The following RALGAPA2 variants were observed in gnomAD, a reference collection of about 807,000 sequenced individuals.
RALGAPA2 encodes the protein Ral GTPase activating protein catalytic subunit alpha 2.
Under a neutral mutation model 230.4 loss-of-function variants are expected in RALGAPA2, and 139 were observed. The observed-to-expected ratio is 0.60, with a 90% CI of 0.53 to 0.69. The LOEUF (loss-of-function observed/expected upper bound fraction) is 0.69, where lower values mean the gene tolerates loss of function less well. Ranked by LOEUF, RALGAPA2 falls within the 30% of genes least tolerant of loss-of-function variation. RALGAPA2 has a pLI of 0.00. For missense variants in RALGAPA2, 2,163 were observed against 2,276.0 expected (o/e 0.95, Z 1.01); for synonymous variants, 847 against 837.8 (o/e 1.01, Z -0.19).
intron 37 of RALGAPA2, among the ~76,000 whole-genome samples, chr20:20,444,889 G>A (rs967106033): frequency 6.6e-6 from 1 of 152,188 alleles, no homozygotes; most frequent in Non-Finnish European, 1.5e-5. Context: ...CACACTGTCT[G>A]TCCTTTTGTC....
chr20:20,571,987 C>T (rs572852347), intron 21 of RALGAPA2, 41 bp from the exon 22 acceptor site: 22 of 1,365,926 alleles, frequency 1.6e-5, no homozygotes, highest in South Asian at 1.2e-4. Context: ...GGTAACATTA[C>T]GTTTATCCCA....
chr20:20,554,772 G>C (rs1814239218), intron 23 of RALGAPA2, among the ~76,000 whole-genome samples: 1 of 152,044 alleles, frequency 6.6e-6, no homozygotes, highest in South Asian at 2.1e-4. Context: ...CAAACGTGTT[G>C]GGATAACAGG....
Position 20,712,132 on chromosome 20 carries a change from G to A in RALGAPA2, c.106+243C>T, listed in dbSNP as rs1052768111. On this transcript the variant is annotated intron_variant, in intron 1 of 39. Transcript: ENST00000202677. The surrounding 1 kb of genome is among the most constrained non-coding windows in gnomAD (Gnocchi z 5.5). The stretch of plus-strand genomic sequence containing the variant: ...GCCTCCAGGTTCTCCGGGAGCGCAG[G>A]CGCCCAGCGAGAATCTGGGCTAAGT... Among the ~76,000 whole-genome samples, 1 of 152,196 alleles carries A rather than the reference G, an allele frequency of 6.6e-6. No individual in the cohort carries two copies. The highest frequency in any genetic ancestry group is 6.5e-5 in the Admixed American group (1 of 15,284).
intron 1 of RALGAPA2, among the ~76,000 whole-genome samples, chr20:20,709,089 C>T (rs1309164729): frequency 6.6e-6 from 1 of 151,798 alleles, no homozygotes; most frequent in Non-Finnish European, 1.5e-5. Context: ...GAGGCCGAGT[C>T]GGGCAGATCA....
At chr20:20,604,341 T>C (rs1007123378) in intron 15 of RALGAPA2, among the ~76,000 whole-genome samples, 3 of 152,248 alleles carry the variant, frequency 2.0e-5, no homozygotes, top group African/African-American at 7.2e-5. Flanking sequence ...TGATGTTTTC[T>C]ACCTTGAAAA....
chr20:20,571,828 A>G lies in RALGAPA2; in HGVS notation c.3000+20T>C. On this transcript the variant is annotated intron_variant, in intron 22 of 39. Transcript: ENST00000202677. ...AGGAAGAGGAAATCGCAATAAAGGAATAAACACATATCCACTTGCCTTAAA... is the reference window on the plus strand; with the variant it reads ...AGGAAGAGGAAATCGCAATAAAGGAGTAAACACATATCCACTTGCCTTAAA... The G allele has an allele frequency of 1.9e-6, 3 of 1,577,144 alleles. No individual in the cohort carries two copies. The South Asian group carries it at 3.4e-5, about 18-fold the overall frequency.
intron 16 of RALGAPA2, among the ~76,000 whole-genome samples, chr20:20,595,997 A>G (rs922147503): frequency 6.6e-6 from 1 of 152,124 alleles, no homozygotes; most frequent in Non-Finnish European, 1.5e-5. Context: ...AAACTGTAGA[A>G]CAGCTGGAAA....
intron 38 of RALGAPA2, among the ~76,000 whole-genome samples, chr20:20,397,355 C>G (rs753071458): frequency 6.6e-6 from 1 of 152,178 alleles, no homozygotes; most frequent in Non-Finnish European, 1.5e-5. Context: ...TAAGGTCACT[C>G]TCACCCACAG....
intron 17 of RALGAPA2, 77 bp from the exon 18 acceptor site, chr20:20,589,442 T>G: frequency 7.4e-7 from 1 of 1,358,316 alleles, no homozygotes; most frequent in Non-Finnish European, 1.0e-6. Flanking sequence ...TGATTTTATA[T>G]ATAGGTAACT....
At chr20:20,495,367 G>T in intron 35 of RALGAPA2, 92 bp from the exon 36 acceptor site, 1 of 1,176,232 alleles carries the variant, frequency 8.5e-7, no homozygotes, top group Non-Finnish European at 1.1e-6. Context: ...AAACTCAAAG[G>T]CCAAAAAAAT....
In RALGAPA2 at chr20:20,616,977, T is replaced by C. The variant is rs139609114; in HGVS notation, c.1540-786A>G. On this transcript the variant is annotated intron_variant, in intron 12 of 39. Transcript: ENST00000202677. ...AAATGTGAGAAGCACTGATCCAGGA[T>C]ATCATATACTATTACTGCTTTGAGT... Among the ~76,000 whole-genome samples, 9 of 152,318 alleles carry C rather than the reference T, an allele frequency of 5.9e-5. No individual in the cohort carries two copies. In the East Asian group the frequency reaches 1.7e-3, roughly 29 times the overall value.
intron 37 of RALGAPA2, among the ~76,000 whole-genome samples, chr20:20,466,892 C>T (rs1375725458): frequency 6.6e-6 from 1 of 152,226 alleles, no homozygotes; most frequent in African/African-American, 2.4e-5. Context: ...ATCTTGCTGG[C>T]TTGGGCCTGG....
At chr20:20,571,694 C>T (rs1271964331) in intron 22 of RALGAPA2, 81 bp from the exon 23 acceptor site, 1 of 1,520,858 alleles carries the variant, frequency 6.6e-7, no homozygotes, top group Non-Finnish European at 8.9e-7. Flanking sequence ...CTCAGTTTTC[C>T]TTAAGAGTTG....
intron 19 of RALGAPA2, among the ~76,000 whole-genome samples, chr20:20,584,107 A>G (rs2065064603): frequency 6.6e-6 from 1 of 152,172 alleles, no homozygotes; most frequent in Non-Finnish European, 1.5e-5. Context: ...ACCCATCAAG[A>G]ACTGTCCTGA....
intron 3 of RALGAPA2, among the ~76,000 whole-genome samples, chr20:20,665,070 C>G (rs1047118964): frequency 1.3e-5 from 2 of 152,120 alleles, no homozygotes; most frequent in Admixed American, 6.5e-5. Flanking sequence ...TTGTACAACT[C>G]TCTCCTAAAG....
In RALGAPA2 at chr20:20,526,324, GA is replaced by G; in HGVS notation, c.3620del (p.Val1207AlafsTer66). On this transcript the variant is annotated frameshift_variant, in exon 28 of 40. Transcript: ENST00000202677. LOFTEE classifies it high-confidence loss of function. ...NKIVAQVACD[V>X]LQLLVSYWEK... ...CCCAGTAGGAAACCAGCAACTGAAG[GA>G]CATCGCAAGCTACCTGGGCCACGAT... 1 of 1,607,440 alleles carries G rather than the reference GA, an allele frequency of 6.2e-7. No individual in the cohort carries two copies. The highest frequency in any genetic ancestry group is 8.5e-7 in the Non-Finnish European group (1 of 1,178,166).
intron 27 of RALGAPA2, among the ~76,000 whole-genome samples, chr20:20,527,077 G>A (rs969415545): frequency 1.3e-5 from 2 of 152,066 alleles, no homozygotes; most frequent in Non-Finnish European, 2.9e-5. Flanking sequence ...AAGGGACAAG[G>A]GCACCCTCTG....
intron 4 of RALGAPA2, among the ~76,000 whole-genome samples, chr20:20,644,631 AAATAACT>A (rs1237667934): frequency 1.3e-5 from 2 of 152,228 alleles, no homozygotes; most frequent in Non-Finnish European, 2.9e-5. Flanking sequence ...TCTAGCACTT[AAATAACT>A]AATAGTTTGT....
At chr20:20,534,284 A>C (rs919807816) in intron 26 of RALGAPA2, among the ~76,000 whole-genome samples, 3 of 152,096 alleles carry the variant, frequency 2.0e-5, no homozygotes, top group Admixed American at 2.0e-4. Context: ...CTCTACTAAA[A>C]ATACAAAAAA....
Sources: gnomAD v4.1 joint callset for allele counts (sites outside exome capture counted in the v4.1 genomes callset) on GRCh38, gnomAD v4.1.1 for gene constraint, Gnocchi (gnomAD v3.1) non-coding constraint, MANE v1.5 for transcripts, NCBI Gene and HGNC (gene_info 2026-07-23, HGNC 2026-07-21) for gene names.